The following TENM3 variants were observed in gnomAD, a reference collection of about 807,000 sequenced individuals.
TENM3 encodes teneurin transmembrane protein 3.
In TENM3, 63 loss-of-function variants were observed where a neutral mutation model predicts 255.1. The observed-to-expected ratio is 0.25, with a 90% confidence interval of 0.20 to 0.30. The LOEUF (loss-of-function observed/expected upper bound fraction) is 0.30, where lower values mean the gene tolerates loss of function less well. Among genes scored for constraint, TENM3 ranks in the 10% least tolerant of loss-of-function variants. TENM3 has a pLI of 1.00. For missense variants in TENM3, 2,929 were observed against 3,461.1 expected, an observed-to-expected ratio of 0.85 and a Z score of 3.86; for synonymous variants, 1,306 against 1,322.3, an observed-to-expected ratio of 0.99 and a Z score of 0.27.
the TENM3 span, among the ~76,000 whole-genome samples, chr4:182,018,783 C>G: frequency 6.6e-6 from 1 of 152,108 alleles, no homozygotes; most frequent in Non-Finnish European, 1.5e-5. Context: ...TTAATAATAG[C>G]TAATATTTGC....
the TENM3 span, among the ~76,000 whole-genome samples, chr4:181,547,723 T>C: frequency 7.2e-5 from 11 of 152,190 alleles, no homozygotes. Flanking sequence ...TTAACTTTCT[T>C]ATTCAATATC....
At chr4:181,813,735 G>A in the TENM3 span, among the ~76,000 whole-genome samples, 1 of 152,160 alleles carries the variant, frequency 6.6e-6, no homozygotes, top group Non-Finnish European at 1.5e-5. Context: ...CTGAGGGAGG[G>A]GAGTGCAAAG....
chr4:182,441,884 A>G (rs570414036), intron 3 of TENM3, among the ~76,000 whole-genome samples: 1 of 152,320 alleles, frequency 6.6e-6, no homozygotes, highest in African/African-American at 2.4e-5. Flanking sequence ...ATGTTAAGAA[A>G]TCAGCAAAGA....
At chr4:181,975,055 C>T in the TENM3 span, 1 of 151,614 alleles carries the variant, frequency 6.6e-6, no homozygotes, top group Non-Finnish European at 1.5e-5. Flanking sequence ...TGAGTTAGTT[C>T]ACTTAAGATT....
intron 3 of TENM3, chr4:182,548,921 T>C (rs1741731247): frequency 6.6e-6 from 1 of 152,036 alleles, no homozygotes; most frequent in Non-Finnish European, 1.5e-5. Flanking sequence ...GCAACTAGAC[T>C]CTTATTTTTA....
At chr4:181,595,441 A>AC in the TENM3 span, among the ~76,000 whole-genome samples, 10 of 148,714 alleles carry the variant, frequency 6.7e-5, no homozygotes, top group African/African-American at 1.7e-4. Context: ...AAAAAAAAAA[A>AC]AAAAAAAAAA....
At chr4:182,477,416 A>C (rs1222612486) in intron 3 of TENM3, among the ~76,000 whole-genome samples, 1 of 152,194 alleles carries the variant, frequency 6.6e-6, no homozygotes, top group East Asian at 1.9e-4. Flanking sequence ...GCTTCCAGGC[A>C]TGGTTTACAC....
At chr4:182,418,348 A>G (rs2151120167) in intron 3 of TENM3, among the ~76,000 whole-genome samples, 1 of 152,296 alleles carries the variant, frequency 6.6e-6, no homozygotes, top group Middle Eastern at 3.4e-3. Flanking sequence ...TCCAGTAAGC[A>G]TCGTTTATTT....
At chr4:181,817,167 G>A in the TENM3 span, among the ~76,000 whole-genome samples, 3 of 152,144 alleles carry the variant, frequency 2.0e-5, no homozygotes, top group African/African-American at 7.2e-5. Flanking sequence ...TTATATAAAA[G>A]TTTAGGATTA....
the TENM3 span, among the ~76,000 whole-genome samples, chr4:181,831,630 G>GA: frequency 2.0e-5 from 3 of 151,638 alleles, no homozygotes; most frequent in South Asian, 2.1e-4. Flanking sequence ...TTCACATTTT[G>GA]AAAAAAACTA....
chr4:181,887,306 G>A, the TENM3 span, among the ~76,000 whole-genome samples: 2 of 151,632 alleles, frequency 1.3e-5, no homozygotes, highest in East Asian at 1.9e-4. Flanking sequence ...CTTACAGTAT[G>A]CATTAAAAAC....
chr4:182,357,746 C>G (rs1765661992), intron 3 of TENM3, among the ~76,000 whole-genome samples: 1 of 149,354 alleles, frequency 6.7e-6, no homozygotes, highest in South Asian at 2.1e-4. Flanking sequence ...TCAATTTTGG[C>G]TTTTGTTGCC....
intron 4 of TENM3, among the ~76,000 whole-genome samples, chr4:182,623,104 AG>A (rs2152458668): frequency 6.7e-6 from 1 of 148,358 alleles, no homozygotes; most frequent in East Asian, 2.0e-4. Flanking sequence ...TCTGCCTTCC[AG>A]GTTCACGCCA....
Position 182,393,892 on chromosome 4 carries a change from C to CGTTTGAT in TENM3, c.511+46963_511+46964insGTTTGAT, listed in dbSNP as rs1337118982. On this transcript the variant is annotated intron_variant, in intron 3 of 27. Coordinates refer to ENST00000511685, the MANE Select transcript of TENM3 (RefSeq NM_001080477.4). ...TGAGAAACTATTGGATATCAGATAC[C>CGTTTGAT]AACTGAAATGTGGCCAACTTGATAT... 4.5e-4 allele frequency among the ~76,000 whole-genome samples: 69 copies of CGTTTGAT among 152,118 alleles called. 1 individual carries two copies. Among genetic ancestry groups the CGTTTGAT allele is most frequent in the Non-Finnish European group, 2.2e-4 (15 of 68,014 alleles).
At chr4:181,699,336 C>G in the TENM3 span, among the ~76,000 whole-genome samples, 2 of 147,860 alleles carry the variant, frequency 1.4e-5, no homozygotes, top group Non-Finnish European at 3.0e-5. Flanking sequence ...GCAGCTGAGA[C>G]AGGGGGATCC....
chr4:182,013,710 A>G, the TENM3 span, among the ~76,000 whole-genome samples: 1 of 152,116 alleles, frequency 6.6e-6, no homozygotes, highest in African/African-American at 2.4e-5. Flanking sequence ...TGATTCATGG[A>G]ACACTCTGAA....
intron 5 of TENM3, among the ~76,000 whole-genome samples, chr4:182,646,745 C>T (rs1752783943): frequency 6.6e-6 from 1 of 151,926 alleles, no homozygotes; most frequent in Non-Finnish European, 1.5e-5. Flanking sequence ...TCATCTCAAA[C>T]ATACATACAT....
chr4:181,997,057 G>A, the TENM3 span, among the ~76,000 whole-genome samples: 2 of 152,088 alleles, frequency 1.3e-5, no homozygotes, highest in East Asian at 1.9e-4. Context: ...TTTAGGGCTC[G>A]GCTGTCTACA....
chr4:182,076,731 T>C, the TENM3 span, among the ~76,000 whole-genome samples: 1 of 152,160 alleles, frequency 6.6e-6, no homozygotes, highest in African/African-American at 2.4e-5. Context: ...ACCTTTTTGG[T>C]AAAGGGCCAA....
Sources: allele counts gnomAD v4.1 joint callset (sites outside exome capture counted in the v4.1 genomes callset), GRCh38; gene constraint gnomAD v4.1.1; transcripts MANE v1.5; gene names NCBI Gene and HGNC (gene_info 2026-07-23, HGNC 2026-07-21).